The following GUCY1A2 variants were observed in gnomAD, a reference collection of about 807,000 sequenced individuals.
The protein encoded by GUCY1A2 is guanylate cyclase 1 soluble subunit alpha 2.
In GUCY1A2, 27 loss-of-function variants were observed where a neutral mutation model predicts 63.5. That is an observed-to-expected ratio of 0.43 (90% confidence interval 0.31 to 0.59). GUCY1A2 has a LOEUF of 0.59. Ranked by LOEUF, GUCY1A2 falls within the 20% of genes least tolerant of loss-of-function variation. The pLI is 0.11. For synonymous variants in GUCY1A2, 364 were observed against 343.5 expected (o/e 1.06, Z -0.66); for missense variants, 768 against 913.3 (o/e 0.84, Z 2.05).
chr11:106,755,207 AT>A (rs1303797749), intron 6 of GUCY1A2, among the ~76,000 whole-genome samples: 1 of 152,024 alleles, frequency 6.6e-6, no homozygotes, highest in Admixed American at 6.6e-5. Flanking sequence ...CCCCTGTATC[AT>A]TTTTTATTGT....
At chr11:106,818,204 T>G (rs959640890) in intron 4 of GUCY1A2, among the ~76,000 whole-genome samples, 9 of 152,192 alleles carry the variant, frequency 5.9e-5, no homozygotes, top group African/African-American at 2.2e-4. Context: ...TTTTACAAAT[T>G]GAAAGTTTGT....
rs377108442 is a variant in GUCY1A2, at chr11:106,909,202, A to C, written c.1206+30258T>G. Among the ~76,000 whole-genome samples, 9 of 152,108 alleles carry C rather than the reference A, an allele frequency of 5.9e-5. No individual in the cohort carries two copies. In the South Asian group the frequency reaches 1.2e-3, roughly 21 times the overall value. On this transcript the variant is annotated intron_variant, in intron 4 of 7. Coordinates refer to ENST00000526355, the MANE Select transcript of GUCY1A2 (RefSeq NM_000855.3). Reference sequence around the variant, plus strand: ...TTTATTTTGAGATAATTATAAATTCACATGCAGTTAGTTGCAAGAAATAAC... The same window carrying C: ...TTTATTTTGAGATAATTATAAATTCCCATGCAGTTAGTTGCAAGAAATAAC...
At chr11:106,742,248 G>A (rs907729754) in intron 6 of GUCY1A2, among the ~76,000 whole-genome samples, 3 of 151,996 alleles carry the variant, frequency 2.0e-5, no homozygotes, top group African/African-American at 7.3e-5. Flanking sequence ...AGATAAACAT[G>A]TGCTATGGTG....
In GUCY1A2 at chr11:106,676,585, A is replaced by C. The variant is rs2135323765; in HGVS notation, c.*10964T>G. 5.3e-6 allele frequency: 1 copy of C among 187,106 alleles called. No individual in the cohort carries two copies. The highest frequency in any genetic ancestry group is 6.2e-5 in the Admixed American group (1 of 16,062). The allele number at this position is 187,106 out of a possible 1,614,324, so 11.6% of individuals were successfully genotyped here. A position where few individuals can be genotyped will look rare whatever the true frequency, so the allele number is the denominator to read the frequency against. ...GTTTCCAAACCCTCAATAAGAACTCAAAACATCATACTATGCCAAGCTGAA... is the reference window on the plus strand; with the variant it reads ...GTTTCCAAACCCTCAATAAGAACTCCAAACATCATACTATGCCAAGCTGAA... On this transcript the variant is annotated 3_prime_UTR_variant, in exon 8 of 8. Transcript: ENST00000526355.
At chr11:106,925,039 T>C (rs1016517324) in intron 4 of GUCY1A2, among the ~76,000 whole-genome samples, 1 of 151,960 alleles carries the variant, frequency 6.6e-6, no homozygotes, top group African/African-American at 2.4e-5. Context: ...CCATGTATCA[T>C]CATCATCACC....
At chr11:106,878,744 T>G (rs1441024252) in intron 4 of GUCY1A2, among the ~76,000 whole-genome samples, 1 of 140,920 alleles carries the variant, frequency 7.1e-6, no homozygotes, top group Non-Finnish European at 1.5e-5. Flanking sequence ...AGTTTACCTA[T>G]ATAGCAAACC....
chr11:106,723,036 A>G (rs1213296913), intron 6 of GUCY1A2, among the ~76,000 whole-genome samples: 1 of 152,194 alleles, frequency 6.6e-6, no homozygotes, highest in Non-Finnish European at 1.5e-5. Context: ...TAAAATAGTT[A>G]TTTTGATATA....
At chr11:106,905,417 T>C (rs1291020667) in intron 4 of GUCY1A2, among the ~76,000 whole-genome samples, 2 of 152,126 alleles carry the variant, frequency 1.3e-5, no homozygotes, top group Non-Finnish European at 2.9e-5. Context: ...CAGGTTCTAG[T>C]GAGGGCACCA....
intron 4 of GUCY1A2, among the ~76,000 whole-genome samples, chr11:106,862,591 A>G (rs936337364): frequency 6.6e-6 from 1 of 152,066 alleles, no homozygotes; most frequent in African/African-American, 2.4e-5. Flanking sequence ...TGGGCACTCT[A>G]AGGGAATACC....
rs563616598 is a variant in GUCY1A2 at position 106,888,469 on chromosome 11, A to C, written c.1206+50991T>G. On this transcript the variant is annotated intron_variant, in intron 4 of 7. Coordinates refer to ENST00000526355, the MANE Select transcript of GUCY1A2 (RefSeq NM_000855.3). ...GACAAAGCAAGATGCCATCTCAAAA[A>C]AGAAAGAAAAAAAAATGATTTTGAA... 8.6e-5 allele frequency among the ~76,000 whole-genome samples: 13 copies of C among 151,598 alleles called. No individual in the cohort carries two copies. The East Asian group carries it at 2.6e-3, about 30-fold the overall frequency.
At chr11:106,827,279 T>C in intron 4 of GUCY1A2, 2 of 1,554,336 alleles carry the variant, frequency 1.3e-6, no homozygotes, top group South Asian at 2.2e-5. Context: ...TTATATGCAA[T>C]TTTAGCCTCT....
At chr11:106,963,158 C>T (rs564028645) in intron 3 of GUCY1A2, among the ~76,000 whole-genome samples, 1 of 152,140 alleles carries the variant, frequency 6.6e-6, no homozygotes, top group Non-Finnish European at 1.5e-5. Context: ...TGACTGATGA[C>T]AGGCCATGAA....
chr11:106,804,058 T>G (rs1054121855), intron 5 of GUCY1A2, among the ~76,000 whole-genome samples: 2 of 152,246 alleles, frequency 1.3e-5, no homozygotes, highest in African/African-American at 4.8e-5. Flanking sequence ...TTCTATTCAT[T>G]AAAATTGTTC....
intron 4 of GUCY1A2, among the ~76,000 whole-genome samples, chr11:106,814,221 T>C (rs1858801391): frequency 6.6e-6 from 1 of 152,148 alleles, no homozygotes; most frequent in African/African-American, 2.4e-5. Flanking sequence ...TTCTTTAGAA[T>C]TCAGTTCAGT....
At chr11:106,755,868 C>T (rs1189631753) in intron 6 of GUCY1A2, among the ~76,000 whole-genome samples, 3 of 151,980 alleles carry the variant, frequency 2.0e-5, no homozygotes, top group Middle Eastern at 3.2e-3. Context: ...TAGGTCCACT[C>T]GGTCCACAGC....
chr11:106,877,383 G>A (rs889165974), intron 4 of GUCY1A2, among the ~76,000 whole-genome samples: 1 of 151,982 alleles, frequency 6.6e-6, no homozygotes, highest in African/African-American at 2.4e-5. Context: ...AATGCTACCT[G>A]ACTTCAAACT....
chr11:106,849,974 C>T (rs73551900), intron 4 of GUCY1A2, among the ~76,000 whole-genome samples: 118 of 151,778 alleles, frequency 7.8e-4, no homozygotes, highest in African/African-American at 2.8e-3. Flanking sequence ...GAATCATCAT[C>T]ACAAACCCTT....
intron 3 of GUCY1A2, among the ~76,000 whole-genome samples, chr11:106,957,855 C>CTTTTTT (rs59519013): frequency 2.3e-5 from 2 of 87,244 alleles, no homozygotes; most frequent in African/African-American, 4.7e-5. Context: ...AAGGGACAAA[C>CTTTTTT]TTTTTTTTTT....
chr11:106,802,985 AATATCG>A (rs1259450934), intron 5 of GUCY1A2, among the ~76,000 whole-genome samples: 2 of 152,164 alleles, frequency 1.3e-5, no homozygotes, highest in Non-Finnish European at 2.9e-5. Context: ...TCAGAAATTA[AATATCG>A]ATAGGGACAA....
Sources: gnomAD v4.1 joint callset for allele counts (sites outside exome capture counted in the v4.1 genomes callset) on GRCh38, gnomAD v4.1.1 for gene constraint, MANE v1.5 for transcripts, NCBI Gene and HGNC (gene_info 2026-07-23, HGNC 2026-07-21) for gene names.